Variants in MBNL3 observed in about 807,000 individuals in gnomAD.
MBNL3 encodes the protein muscleblind like splicing regulator 3.
In MBNL3, 6 loss-of-function variants were observed where a neutral mutation model predicts 24.5. The observed-to-expected ratio is 0.25, with a 90% CI of 0.13 to 0.48. The LOEUF is 0.48. Among genes scored for constraint, MBNL3 ranks in the 20% least tolerant of loss-of-function variants. The pLI, the probability that MBNL3 is intolerant of heterozygous loss-of-function variation, is 0.99. For missense variants in MBNL3, 230 were observed against 293.5 expected (o/e 0.78, Z 1.58); for synonymous variants, 100 against 101.7 (o/e 0.98, Z 0.10).
At chrX:132,440,672 A>AG (rs1945347766) in intron 1 of MBNL3, among the ~76,000 whole-genome samples, 2 of 111,764 alleles carry the variant, frequency 1.8e-5, no homozygotes, top group African/African-American at 3.3e-5. Context: ...GGGAAATTGG[A>AG]GCAACTCAGA....
intron 2 of MBNL3, among the ~76,000 whole-genome samples, chrX:132,416,116 A>G (rs1026033568): frequency 8.9e-6 from 1 of 111,939 alleles, no homozygotes; most frequent in Non-Finnish European, 1.9e-5. Flanking sequence ...TTATTACAGC[A>G]TTATTCACAA....
At chrX:132,415,838 A>G (rs941112521) in intron 2 of MBNL3, among the ~76,000 whole-genome samples, 2 of 111,997 alleles carry the variant, frequency 1.8e-5, no homozygotes, top group African/African-American at 6.5e-5. Flanking sequence ...TGAGGCATGG[A>G]CTAAGTTTAT....
At chrX:132,479,495 T>C (rs187432180) in intron 1 of MBNL3, among the ~76,000 whole-genome samples, 1 of 112,262 alleles carries the variant, frequency 8.9e-6, no homozygotes, top group African/African-American at 3.2e-5. Flanking sequence ...TTTTTGTTCA[T>C]CAGCCGCTTT....
rs192900517 is a variant in MBNL3 at position 132,465,503 on chromosome X, G to A, written c.-704+23348C>T. ...GCACTTGAAAATCCTCATATGATAA[G>A]CAAAGTATTATTGATATTTTTTAAA... On this transcript the variant is annotated intron_variant, in intron 1 of 8. Coordinates refer to ENST00000370853, the MANE Select transcript of MBNL3 (RefSeq NM_001386889.1). Among the ~76,000 whole-genome samples the A allele has an allele frequency of 1.2e-3, 133 of 112,139 alleles. 1 individual carries two copies. The highest frequency in any genetic ancestry group is 3.9e-3 in the African/African-American group (121 of 30,977).
chrX:132,442,183 T>C (rs1945422306), intron 1 of MBNL3, among the ~76,000 whole-genome samples: 2 of 111,538 alleles, frequency 1.8e-5, no homozygotes, highest in Non-Finnish European at 3.8e-5. Context: ...GTGGTGATGA[T>C]TGCATGATTT....
chrX:132,378,389 A>G lies in MBNL3; in HGVS notation c.*1277T>C, dbSNP rs1432834284. 1 of 111,859 alleles carries G rather than the reference A, an allele frequency of 8.9e-6. No homozygotes were observed. The highest frequency in any genetic ancestry group is 2.8e-4 in the East Asian group (1 of 3,560). 9.2% of individuals were successfully genotyped at this position (111,859 alleles called of 1,213,427 possible). A position where few individuals can be genotyped will look rare whatever the true frequency, so the allele number is the denominator to read the frequency against. Reference sequence around the variant, plus strand: ...TGTACTCAGGCTCCCTCTGTGATCAACAGAGAAGACTGTCCATTTGGGGAG... The same window carrying G: ...TGTACTCAGGCTCCCTCTGTGATCAGCAGAGAAGACTGTCCATTTGGGGAG... On this transcript the variant is annotated 3_prime_UTR_variant, in exon 9 of 9. Coordinates refer to ENST00000370853, the MANE Select transcript of MBNL3 (RefSeq NM_001386889.1).
Position 132,392,222 on chromosome X carries a change from G to A in MBNL3, c.455C>T (p.Pro152Leu). 1 of 1,210,394 alleles carries A rather than the reference G, an allele frequency of 8.3e-7. No homozygotes were observed. Among genetic ancestry groups the A allele is most frequent in the Non-Finnish European group, 1.1e-6 (1 of 894,471 alleles). Reference sequence around the variant, plus strand: ...AGGTGGGTTTCCAGGAATCAGAACAGGTGTATTTGGTACAAGTTCTGCAGG... The same window carrying A: ...AGGTGGGTTTCCAGGAATCAGAACAAGTGTATTTGGTACAAGTTCTGCAGG... ...LVPAELVPNT[P>L]VLIPGNPPLA... Residue 152 changes from proline to leucine, a missense_variant, in exon 4 of 9, where the codon CCT (proline) becomes CTT (leucine). Physicochemically the swap from Pro to Leu is moderately conservative, Grantham distance 98. Transcript: ENST00000370853.
At position 132,391,050 on chromosome X, in the gene MBNL3, G is replaced by A; in HGVS notation, c.568C>T (p.Arg190Cys). ...CREFQRGNCTRGENDCRYAHP... is the reference protein window; with the variant it reads ...CREFQRGNCTCGENDCRYAHP... ...GCATAGCGGCAATCATTCTCCCCAC[G>A]GGTACAATTTCCACGCTGAAATTCT... is the stretch of plus-strand genomic sequence containing the variant. Residue 190 changes from arginine (R) to cysteine (C), a missense_variant, in exon 5 of 9, where the codon CGT (arginine) becomes TGT (cysteine). Coordinates refer to ENST00000370853, the MANE Select transcript of MBNL3 (RefSeq NM_001386889.1). 1 of 1,211,052 alleles carries A rather than the reference G, an allele frequency of 8.3e-7. No individual in the cohort carries two copies. The highest frequency in any genetic ancestry group is 1.1e-6 in the Non-Finnish European group (1 of 895,164).
At position 132,374,659 on chromosome X, in the gene MBNL3, A is replaced by G. The variant is rs1420045934; in HGVS notation, c.*5007T>C. 8.9e-6 allele frequency: 1 copy of G among 112,036 alleles called. No individual in the cohort carries two copies. The highest frequency in any genetic ancestry group is 2.8e-4 in the East Asian group (1 of 3,587). 9.2% of individuals were successfully genotyped at this position (112,036 alleles called of 1,213,427 possible). On this transcript the variant is annotated 3_prime_UTR_variant, in exon 9 of 9. Coordinates refer to ENST00000370853, the MANE Select transcript of MBNL3 (RefSeq NM_001386889.1). ...TGGACTATGTACATAAGTGCAAAAA[A>G]GGTGTGTCTCACACATCCGCACCCT...
At chrX:132,455,785 G>A (rs5933159) in intron 1 of MBNL3, among the ~76,000 whole-genome samples, 3,112 of 111,806 alleles carry the variant, frequency 0.028, 59 homozygotes, top group Non-Finnish European at 0.042. Context: ...CTGAAAACCA[G>A]AAGGACATCT....
At position 132,375,503 on chromosome X, in the gene MBNL3, C is replaced by G. The variant is rs1934054836; in HGVS notation, c.*4163G>C. On this transcript the variant is annotated 3_prime_UTR_variant, in exon 9 of 9. Coordinates refer to ENST00000370853, the MANE Select transcript of MBNL3 (RefSeq NM_001386889.1). ...AATAAAATGAAACCTTAAAGATGAACAATAAGAAAAATGAAAATATGGTAC... is the reference window on the plus strand; with the variant it reads ...AATAAAATGAAACCTTAAAGATGAAGAATAAGAAAAATGAAAATATGGTAC... 9.1e-6 allele frequency: 1 copy of G among 110,491 alleles called. No individual in the cohort carries two copies. The highest frequency in any genetic ancestry group is 9.6e-5 in the Admixed American group (1 of 10,380). The allele number at this position is 110,491 out of a possible 1,213,427, so 9.1% of individuals were successfully genotyped here. A position where few individuals can be genotyped will look rare whatever the true frequency, so the allele number is the denominator to read the frequency against.
chrX:132,374,663 G>A lies in MBNL3; in HGVS notation c.*5003C>T, dbSNP rs1185868004. ...CTATGTACATAAGTGCAAAAAAGGT[G>A]TGTCTCACACATCCGCACCCTAACT... On this transcript the variant is annotated 3_prime_UTR_variant, in exon 9 of 9. Coordinates refer to ENST00000370853, the MANE Select transcript of MBNL3 (RefSeq NM_001386889.1). The A allele has an allele frequency of 8.9e-6, 1 of 111,837 alleles. No homozygotes were observed. 9.2% of individuals were successfully genotyped at this position (111,837 alleles called of 1,213,427 possible).
intron 2 of MBNL3, chrX:132,431,344 T>C (rs1182751702): frequency 2.7e-5 from 3 of 112,089 alleles, no homozygotes; most frequent in Non-Finnish European, 1.9e-5. Flanking sequence ...CTTATCCATT[T>C]ATTCAATTTT....
intron 3 of MBNL3, among the ~76,000 whole-genome samples, chrX:132,403,551 C>A (rs768973724): frequency 8.9e-6 from 1 of 111,782 alleles, no homozygotes; most frequent in South Asian, 3.8e-4. Flanking sequence ...CATATTCTAA[C>A]ATAGAAAGCA....
chrX:132,387,651 A>G (rs1411681055), intron 5 of MBNL3, among the ~76,000 whole-genome samples: 1 of 112,143 alleles, frequency 8.9e-6, no homozygotes, highest in African/African-American at 3.2e-5. Flanking sequence ...TTCAAGTCCT[A>G]TAATTATATA....
intron 2 of MBNL3, among the ~76,000 whole-genome samples, chrX:132,417,109 T>TTC (rs756435656): frequency 0.024 from 2,610 of 110,681 alleles, 64 homozygotes; most frequent in African/African-American, 0.081. Flanking sequence ...TTATTTTTCT[T>TTC]TCTCTCTCTC....
intron 2 of MBNL3, among the ~76,000 whole-genome samples, chrX:132,406,728 A>G (rs1002343699): frequency 8.9e-6 from 1 of 111,891 alleles, no homozygotes; most frequent in Non-Finnish European, 1.9e-5. Flanking sequence ...GTGGAATCAA[A>G]CATGCTTTTG....
rs1011972926 is a variant in MBNL3 at position 132,373,307 on chromosome X, A to G, written c.*6359T>C. On this transcript the variant is annotated 3_prime_UTR_variant, in exon 9 of 9. Transcript: ENST00000370853. ...CTGGCATATTCACAAAGAAATGTCCATATCAGTACATAGGTTAAATTGGGA... is the reference window on the plus strand; with the variant it reads ...CTGGCATATTCACAAAGAAATGTCCGTATCAGTACATAGGTTAAATTGGGA... 1 of 111,926 alleles carries G rather than the reference A, an allele frequency of 8.9e-6. No individual in the cohort carries two copies. Among genetic ancestry groups the G allele is most frequent in the African/African-American group, 3.2e-5 (1 of 30,878 alleles). The allele number at this position is 111,926 out of a possible 1,213,427, so 9.2% of individuals were successfully genotyped here.
chrX:132,448,625 G>A (rs752968156), intron 1 of MBNL3, among the ~76,000 whole-genome samples: 3 of 110,561 alleles, frequency 2.7e-5, no homozygotes, highest in African/African-American at 6.6e-5. Context: ...AGGGTTTTTC[G>A]TGTCTCTAGC....
Sources: gnomAD v4.1 joint callset for allele counts (sites outside exome capture counted in the v4.1 genomes callset) on GRCh38, gnomAD v4.1.1 for gene constraint, MANE v1.5 for transcripts, NCBI Gene and HGNC (gene_info 2026-07-23, HGNC 2026-07-21) for gene names.